The following FECH variants were observed in gnomAD, a reference collection of about 807,000 sequenced individuals.
The protein encoded by FECH is ferrochelatase.
FECH carries 40 observed loss-of-function variants against 56.9 expected under a neutral mutation model. The ratio of observed to expected loss-of-function variants is 0.70; its 90% CI spans 0.55 to 0.92. The LOEUF (loss-of-function observed/expected upper bound fraction) is 0.92, where lower values mean the gene tolerates loss of function less well. Ranked by LOEUF, FECH falls within the 40% of genes least tolerant of loss-of-function variation. FECH has a pLI of 0.00. For missense variants in FECH, 431 were observed against 529.1 expected (o/e 0.81, Z 1.82); for synonymous variants, 175 against 198.6 (o/e 0.88, Z 1.00).
chr18:57,563,093 A>G (rs143122979), intron 5 of FECH, 113 bp from the exon 6 acceptor site: 1 of 781,372 alleles, frequency 1.3e-6, no homozygotes, highest in Admixed American at 2.0e-5. Context: ...TTCTTTACTG[A>G]ATCAGTCTAA....
At chr18:57,581,854 T>C (rs1411628666) in intron 1 of FECH, among the ~76,000 whole-genome samples, 2 of 152,156 alleles carry the variant, frequency 1.3e-5, no homozygotes, top group Admixed American at 6.5e-5. Context: ...GAATTATATC[T>C]CCAGGCCATT....
At chr18:57,569,136 C>T (rs1308683239) in intron 4 of FECH, among the ~76,000 whole-genome samples, 2 of 152,238 alleles carry the variant, frequency 1.3e-5, no homozygotes, top group Non-Finnish European at 2.9e-5. Context: ...TCACTAAAAG[C>T]AGTTACAAGC....
Position 57,571,532 on chromosome 18 carries a change from G to A in FECH, c.323C>T (p.Ala108Val). ...LMTLPIQNKLAPFIAKRRTPK... is the reference protein window; with the variant it reads ...LMTLPIQNKLVPFIAKRRTPK... ...GGTTCGGCGTTTGGCGATGAATGGT[G>A]CCAGCTTACTAAATCATTTAACATA... Residue 108 changes from alanine (A) to valine (V), a missense_variant, in exon 4 of 11, where the codon GCA (alanine) becomes GTA (valine). By Grantham distance (64) the Ala-to-Val change is moderately conservative. Transcript: ENST00000262093. 6.2e-7 allele frequency: 1 copy of A among 1,613,954 alleles called. No individual in the cohort carries two copies. The highest frequency in any genetic ancestry group is 1.1e-5 in the South Asian group (1 of 91,076).
intron 3 of FECH, 37 bp downstream of exon 3, chr18:57,573,209 G>C: frequency 6.2e-7 from 1 of 1,601,452 alleles, no homozygotes. Flanking sequence ...TCAATGTAGT[G>C]CCAAGGTTAT....
intron 5 of FECH, among the ~76,000 whole-genome samples, chr18:57,564,356 G>GTAAC (rs2122291540): frequency 6.6e-6 from 1 of 152,322 alleles, no homozygotes; most frequent in South Asian, 2.1e-4. Flanking sequence ...AAGGCAGATG[G>GTAAC]TGTCAACCCA....
Position 57,586,638 on chromosome 18 carries a change from C to G in FECH, c.-18G>C. 6.6e-7 allele frequency: 1 copy of G among 1,507,358 alleles called. No homozygotes were observed. 93.4% of individuals were successfully genotyped at this position (1,507,358 alleles called of 1,614,324 possible). A position where few individuals can be genotyped will look rare whatever the true frequency, so the allele number is the denominator to read the frequency against. On this transcript the variant is annotated 5_prime_UTR_variant, in exon 1 of 11. Coordinates refer to ENST00000262093, the MANE Select transcript of FECH (RefSeq NM_000140.5). ...GAACGCATTGCCTGGGCAGCCTCGG[C>G]CCGAGTCCGGGCTCCTCCCGCGGCG...
intron 1 of FECH, among the ~76,000 whole-genome samples, chr18:57,581,064 C>T (rs982904231): frequency 3.3e-5 from 5 of 152,138 alleles, no homozygotes; most frequent in South Asian, 2.1e-4. Context: ...AAAGAGCCAG[C>T]GGCAAGAAGA....
Position 57,554,444 on chromosome 18 carries a change from A to C in FECH, c.913-20T>G, listed in dbSNP as rs2050841768. On this transcript the variant is annotated intron_variant, in intron 8 of 10. Transcript: ENST00000262093. Reference sequence around the variant, plus strand: ...ACCAACCTATGCGAAAGATAGACGAATGCGTAAGTGGACTATGCCTCCTGA... The same window carrying C: ...ACCAACCTATGCGAAAGATAGACGACTGCGTAAGTGGACTATGCCTCCTGA... 1 of 1,614,094 alleles carries C rather than the reference A, an allele frequency of 6.2e-7. No individual in the cohort carries two copies. The highest frequency in any genetic ancestry group is 1.3e-5 in the African/African-American group (1 of 75,060).
chr18:57,562,266 A>ACT (rs1568146651), intron 6 of FECH, among the ~76,000 whole-genome samples: 1 of 152,238 alleles, frequency 6.6e-6, no homozygotes, highest in African/African-American at 2.4e-5. Context: ...TGACAGGCAG[A>ACT]AAAGAATATG....
intron 4 of FECH, among the ~76,000 whole-genome samples, chr18:57,568,908 T>C (rs2051054243): frequency 6.6e-6 from 1 of 152,232 alleles, no homozygotes; most frequent in Admixed American, 6.5e-5. Context: ...TTTTGTCATG[T>C]TAATGCCTCT....
At chr18:57,586,132 C>T (rs1043969647) in intron 1 of FECH, among the ~76,000 whole-genome samples, 1 of 152,208 alleles carries the variant, frequency 6.6e-6, no homozygotes, top group Non-Finnish European at 1.5e-5. Context: ...CTTTCCTCAG[C>T]AGGGAGGGAA....
chr18:57,579,293 G>GTA (rs2051238296), intron 2 of FECH, among the ~76,000 whole-genome samples: 2 of 115,084 alleles, frequency 1.7e-5, no homozygotes, highest in African/African-American at 6.9e-5. Context: ...GTATATATGT[G>GTA]TGTGTGTGTG....
Position 57,562,856 on chromosome 18 carries a change from T to C in FECH, c.705+18A>G. 1 of 1,601,936 alleles carries C rather than the reference T, an allele frequency of 6.2e-7. No homozygotes were observed. Among genetic ancestry groups the C allele is most frequent in the Middle Eastern group, 1.7e-4 (1 of 5,966 alleles). The stretch of plus-strand genomic sequence containing the variant: ...ACTAGATGCTGGGGTGACAGGCAGC[T>C]GGCAAGCACTGGCTTACCTGGATGA... On this transcript the variant is annotated intron_variant, in intron 6 of 10. Transcript: ENST00000262093.
At position 57,549,663 on chromosome 18, in the gene FECH, A is replaced by G. The variant is rs989382237; in HGVS notation, c.*1049T>C. 3.9e-5 allele frequency: 6 copies of G among 152,218 alleles called. No individual in the cohort carries two copies. Among genetic ancestry groups the G allele is most frequent in the African/African-American group, 1.4e-4 (6 of 41,446 alleles). The allele number at this position is 152,218 out of a possible 1,614,324, so 9.4% of individuals were successfully genotyped here. A position where few individuals can be genotyped will look rare whatever the true frequency, so the allele number is the denominator to read the frequency against. ...ATGGCATTAAAAATATCTACAGGAA[A>G]GGACTACCACGAAATACAATATTAT... On this transcript the variant is annotated 3_prime_UTR_variant, in exon 11 of 11. Coordinates refer to ENST00000262093, the MANE Select transcript of FECH (RefSeq NM_000140.5).
intron 6 of FECH, among the ~76,000 whole-genome samples, chr18:57,559,869 G>T (rs2050919226): frequency 6.6e-6 from 1 of 152,180 alleles, no homozygotes; most frequent in African/African-American, 2.4e-5. Flanking sequence ...AGTCACATCT[G>T]TGGAACTTGA....
intron 5 of FECH, among the ~76,000 whole-genome samples, chr18:57,564,615 C>A (rs147774157): frequency 8.5e-5 from 13 of 152,266 alleles, no homozygotes; most frequent in Admixed American, 3.9e-4. Context: ...GACTCAACTT[C>A]CAAAAAGATA....
chr18:57,556,664 G>T (rs8085589), intron 7 of FECH, among the ~76,000 whole-genome samples: 9 of 151,966 alleles, frequency 5.9e-5, no homozygotes, highest in African/African-American at 2.2e-4. Context: ...CAATCTCAGC[G>T]CTTTGGGAGG....
At chr18:57,560,427 G>A (rs755939886) in intron 6 of FECH, among the ~76,000 whole-genome samples, 1 of 152,236 alleles carries the variant, frequency 6.6e-6, no homozygotes, top group African/African-American at 2.4e-5. Flanking sequence ...AAGGTTGGAC[G>A]ACTGCTGGAG....
In FECH at chr18:57,548,000, C is replaced by A. The variant is rs2050741570; in HGVS notation, c.*2712G>T. On this transcript the variant is annotated 3_prime_UTR_variant, in exon 11 of 11. Coordinates refer to ENST00000262093, the MANE Select transcript of FECH (RefSeq NM_000140.5). ...GTGCAGAGGCTCATCCTTGTAATCC[C>A]AGCACTTTGGGAGACTGAGGCAGGA... Among the ~76,000 whole-genome samples the A allele has an allele frequency of 6.6e-6, 1 of 152,060 alleles. No homozygotes were observed. Among genetic ancestry groups the A allele is most frequent in the Admixed American group, 6.5e-5 (1 of 15,272 alleles).
Sources: gnomAD v4.1 joint callset for allele counts (sites outside exome capture counted in the v4.1 genomes callset) on GRCh38, gnomAD v4.1.1 for gene constraint, MANE v1.5 for transcripts, NCBI Gene and HGNC (gene_info 2026-07-23, HGNC 2026-07-21) for gene names.